NCAM2: variants seen among roughly 807,000 people sequenced by gnomAD.
The protein encoded by NCAM2 is neural cell adhesion molecule 2.
In NCAM2, 30 loss-of-function variants were observed where a neutral mutation model predicts 98.1. That is an observed-to-expected ratio of 0.31 (90% CI 0.23 to 0.41). NCAM2 has a LOEUF of 0.41. Among genes scored for constraint, NCAM2 ranks in the 10% least tolerant of loss-of-function variants. The pLI is 1.00. For synonymous variants in NCAM2, 368 were observed against 342.4 expected (o/e 1.07, Z -0.83); for missense variants, 867 against 1,005.8 (o/e 0.86, Z 1.87).
intron 6 of NCAM2, among the ~76,000 whole-genome samples, chr21:21,329,064 C>T (rs2074600951): frequency 6.6e-6 from 1 of 151,318 alleles, no homozygotes; most frequent in African/African-American, 2.4e-5. Context: ...AACTGATTCT[C>T]CTGCCTCAGC....
chr21:21,173,868 T>A (rs567353037), intron 1 of NCAM2, among the ~76,000 whole-genome samples: 2 of 152,274 alleles, frequency 1.3e-5, no homozygotes, highest in African/African-American at 4.8e-5. Context: ...ACCCAGAGGC[T>A]TGAAGGGTTG....
chr21:21,381,075 A>T (rs1228643130), intron 9 of NCAM2, among the ~76,000 whole-genome samples: 1 of 152,238 alleles, frequency 6.6e-6, no homozygotes, highest in Non-Finnish European at 1.5e-5. Context: ...CATATGATAG[A>T]ATATTGCTTT....
At chr21:21,304,512 A>G (rs8133924) in intron 5 of NCAM2, among the ~76,000 whole-genome samples, 107,588 of 151,916 alleles carry the variant, frequency 0.71, 38,552 homozygotes, top group South Asian at 0.82. Context: ...ATGATAAGTT[A>G]GAATAATGTA....
At chr21:21,022,365 A>C (rs947086664) in intron 1 of NCAM2, among the ~76,000 whole-genome samples, 1 of 152,108 alleles carries the variant, frequency 6.6e-6, no homozygotes, top group African/African-American at 2.4e-5. Flanking sequence ...AAATAAAGGT[A>C]ATAGTCAAAC....
At position 21,458,602 on chromosome 21, in the gene NCAM2, A is replaced by C. The variant is rs932493823; in HGVS notation, c.1655-8004A>C. Among the ~76,000 whole-genome samples the C allele has an allele frequency of 3.3e-5, 5 of 152,344 alleles. No individual in the cohort carries two copies. In the East Asian group the frequency reaches 9.7e-4, roughly 29 times the overall value. Reference sequence around the variant, plus strand: ...GGAAAAAGTGACATATGTATAAACCAGGAAGCAGGCCGTCACCAGACACTG... The same window carrying C: ...GGAAAAAGTGACATATGTATAAACCCGGAAGCAGGCCGTCACCAGACACTG... On this transcript the variant is annotated intron_variant, in intron 12 of 17. Transcript: ENST00000400546.
Position 20,998,490 on chromosome 21 carries a change from G to A in NCAM2, c.-74G>A. On this transcript the variant is annotated 5_prime_UTR_variant, in exon 1 of 18. Transcript: ENST00000400546. ...GCGGCGGCTCTAGCAGAGGCGGCCGGGGCAGCGAAAGGTTCTCTCTCCAGG... is the reference window on the plus strand; with the variant it reads ...GCGGCGGCTCTAGCAGAGGCGGCCGAGGCAGCGAAAGGTTCTCTCTCCAGG... 1 of 1,490,884 alleles carries A rather than the reference G, an allele frequency of 6.7e-7. No homozygotes were observed. The highest frequency in any genetic ancestry group is 9.2e-7 in the Non-Finnish European group (1 of 1,086,922). The allele number at this position is 1,490,884 out of a possible 1,614,324, so 92.4% of individuals were successfully genotyped here. A position where few individuals can be genotyped will look rare whatever the true frequency, so the allele number is the denominator to read the frequency against.
intron 9 of NCAM2, 44 bp from the exon 10 acceptor site, chr21:21,410,230 C>A: frequency 1.9e-6 from 2 of 1,080,902 alleles, no homozygotes; most frequent in Non-Finnish European, 1.2e-6. Context: ...GATTATTTAA[C>A]TTAAAGAAAA....
chr21:21,418,528 A>C lies in NCAM2; in HGVS notation c.1439A>C (p.His480Pro). Residue 480 changes from histidine (H) to proline (P), a missense_variant, in exon 11 of 18, where the codon CAT (histidine) becomes CCT (proline). This residue lies in a region of NCAM2 where 234 missense variants were observed against 333.8 expected (regional missense o/e 0.70). Coordinates refer to ENST00000400546, the MANE Select transcript of NCAM2 (RefSeq NM_004540.5). ...CGCTATAATTGCACAGCCACTAATC[A>C]TATAGGAACAAGATTTCAAGAATAT... Reference protein sequence around the residue: ...FGRYNCTATNHIGTRFQEYIL... With the variant: ...FGRYNCTATNPIGTRFQEYIL... 6.2e-7 allele frequency: 1 copy of C among 1,612,544 alleles called. No individual in the cohort carries two copies. The highest frequency in any genetic ancestry group is 8.5e-7 in the Non-Finnish European group (1 of 1,178,738).
chr21:21,431,501 T>C (rs2146025994), intron 11 of NCAM2, among the ~76,000 whole-genome samples: 1 of 152,188 alleles, frequency 6.6e-6, no homozygotes, highest in South Asian at 2.1e-4. Context: ...TTTGAAAATA[T>C]GGGAATAGTA....
intron 1 of NCAM2, chr21:21,223,854 GACGAATAAAACATC>G (rs2070271564): frequency 6.6e-6 from 1 of 152,104 alleles, no homozygotes. Context: ...ACATGCCTAA[GACGAATAAAACATC>G]ATCTAAAAAC....
At chr21:21,090,321 T>A (rs186680751) in intron 1 of NCAM2, among the ~76,000 whole-genome samples, 198 of 152,328 alleles carry the variant, frequency 1.3e-3, no homozygotes, top group East Asian at 4.8e-3. Flanking sequence ...AGCTTTTTTT[T>A]AAATACTTTC....
intron 5 of NCAM2, among the ~76,000 whole-genome samples, chr21:21,319,638 A>G (rs2074321019): frequency 6.6e-6 from 1 of 152,146 alleles, no homozygotes; most frequent in South Asian, 2.1e-4. Flanking sequence ...GAGACTCCAT[A>G]AGAACAAAAA....
intron 1 of NCAM2, among the ~76,000 whole-genome samples, chr21:21,259,490 C>T (rs1049904334): frequency 1.6e-4 from 24 of 151,474 alleles, no homozygotes; most frequent in South Asian, 1.1e-3. Flanking sequence ...AACACAATTT[C>T]CCTCTAAACC....
chr21:21,454,095 T>A (rs957440357), intron 12 of NCAM2, among the ~76,000 whole-genome samples: 1 of 152,086 alleles, frequency 6.6e-6, no homozygotes, highest in Non-Finnish European at 1.5e-5. Flanking sequence ...CCTACCCTTT[T>A]CTAAATATAT....
chr21:21,265,614 T>A (rs545704781), intron 1 of NCAM2, among the ~76,000 whole-genome samples: 1 of 150,940 alleles, frequency 6.6e-6, no homozygotes, highest in African/African-American at 2.4e-5. Flanking sequence ...TCCTTCACAG[T>A]AACATGGAGC....
intron 9 of NCAM2, among the ~76,000 whole-genome samples, chr21:21,390,566 A>G (rs2076359397): frequency 6.6e-6 from 1 of 152,202 alleles, no homozygotes; most frequent in African/African-American, 2.4e-5. Flanking sequence ...CATCACCTTA[A>G]CATAAATGTA....
chr21:21,107,309 A>C (rs1348016871), intron 1 of NCAM2, among the ~76,000 whole-genome samples: 2 of 152,142 alleles, frequency 1.3e-5, no homozygotes, highest in Non-Finnish European at 2.9e-5. Flanking sequence ...CTATAGATCT[A>C]GTAAATGGTG....
At chr21:21,381,728 AT>A (rs544830652) in intron 9 of NCAM2, among the ~76,000 whole-genome samples, 1 of 152,096 alleles carries the variant, frequency 6.6e-6, no homozygotes, top group Admixed American at 6.6e-5. Flanking sequence ...GAATTAAGAT[AT>A]TTTTTCTTTT....
In NCAM2 at chr21:21,353,166, G is replaced by A. The variant is rs575430945; in HGVS notation, c.1044+14632G>A. ...ATGTTGCAATTACATTTTTCATAAA[G>A]AAAAATGAATATGTTAACTCCGTTT... is the stretch of plus-strand genomic sequence containing the variant. On this transcript the variant is annotated intron_variant, in intron 8 of 17. Transcript: ENST00000400546. Among the ~76,000 whole-genome samples, 394 of 152,120 alleles carry A rather than the reference G, an allele frequency of 2.6e-3. 2 individuals are homozygous for A. The highest frequency in any genetic ancestry group is 3.4e-3 in the Non-Finnish European group (231 of 67,996).
Sources: gnomAD v4.1 joint callset for allele counts (sites outside exome capture counted in the v4.1 genomes callset) on GRCh38, gnomAD v4.1.1 for gene constraint, gnomAD v4.1.1 regional missense constraint, MANE v1.5 for transcripts, NCBI Gene and HGNC (gene_info 2026-07-23, HGNC 2026-07-21) for gene names.